FBXW5: variants seen among roughly 807,000 people sequenced by gnomAD.
FBXW5 encodes the protein F-box and WD repeat domain containing 5.
Under a neutral mutation model 50.9 loss-of-function variants are expected in FBXW5, and 74 were observed. The ratio of observed to expected loss-of-function variants is 1.45; its 90% CI spans 1.20 to 1.76. FBXW5 has a LOEUF of 1.76. FBXW5 is among the 40% of genes most tolerant of loss of function. The pLI is 0.00. For synonymous variants in FBXW5, 523 were observed against 362.2 expected (o/e 1.44, Z -5.04); for missense variants, 1,073 against 818.8 (o/e 1.31, Z -3.79).
At position 136,942,450 on chromosome 9, in the gene FBXW5, TTCTC is replaced by T; in HGVS notation, c.688_691del (p.Glu230ThrfsTer5). The T allele has an allele frequency of 6.2e-7, 1 of 1,600,010 alleles. No homozygotes were observed. The highest frequency in any genetic ancestry group is 8.5e-7 in the Non-Finnish European group (1 of 1,170,116). Reference sequence around the variant, plus strand: ...GAACAGCCGCTTCACCACGTTGACGTTCTCTGACTCCACATCCTGGGGGCGGGGG... The same window carrying T: ...GAACAGCCGCTTCACCACGTTGACGTTGACTCCACATCCTGGGGGCGGGGG... On this transcript the variant is annotated frameshift_variant, in exon 6 of 9. Transcript: ENST00000325285. LOFTEE classifies it high-confidence loss of function.
intron 3 of FBXW5, 78 bp from the exon 4 acceptor site, chr9:136,943,021 C>T (rs1284576611): frequency 4.4e-6 from 7 of 1,598,090 alleles, no homozygotes; most frequent in Non-Finnish European, 6.0e-6. Flanking sequence ...GCCATGAGGC[C>T]CCAGCTCTGC....
Position 136,943,450 on chromosome 9 carries a change from C to T in FBXW5, c.250G>A (p.Glu84Lys), listed in dbSNP as rs772070924. Residue 84 changes from glutamate (E) to lysine (K), a missense_variant, in exon 3 of 9, where the codon GAG becomes AAG. Glu to Lys is a moderately conservative substitution (Grantham distance 56). Coordinates refer to ENST00000325285, the MANE Select transcript of FBXW5 (RefSeq NM_018998.4). ...GTGTGTTCCCGCAGCGTCTGCACCT[C>T]CACGCAGGGCACCGTGTCATACAGC... ...QRLYDTVPCVEVQTLREHTDQ... is the reference protein window; with the variant it reads ...QRLYDTVPCVKVQTLREHTDQ... 1 of 1,612,788 alleles carries T rather than the reference C, an allele frequency of 6.2e-7. No individual in the cohort carries two copies. The highest frequency in any genetic ancestry group is 8.5e-7 in the Non-Finnish European group (1 of 1,179,926).
At chr9:136,943,224 C>T (rs1441375499) in intron 3 of FBXW5, 125 bp downstream of exon 3, 4 of 1,292,196 alleles carry the variant, frequency 3.1e-6, no homozygotes, top group Non-Finnish European at 4.3e-6. Context: ...TGCAGGGAGG[C>T]TGCTGTCACC....
Position 136,941,605 on chromosome 9 carries a change from G to C in FBXW5, c.1176C>G (p.Phe392Leu). The change falls in exon 7 of 9, where the codon TTC (phenylalanine) becomes TTG (leucine). Residue 392 changes from phenylalanine to leucine, a missense_variant. Transcript: ENST00000325285. Reference sequence around the variant, plus strand: ...TGTCTATGACGTGGTCCAGCGCGTCGAAGAAGGCATCGGAGCCCCGGCCCT... The same window carrying C: ...TGTCTATGACGTGGTCCAGCGCGTCCAAGAAGGCATCGGAGCCCCGGCCCT... ...LGEGRGSDAF[F>L]DALDHVIDIH... 6.3e-7 allele frequency: 1 copy of C among 1,599,804 alleles called. No homozygotes were observed. Among genetic ancestry groups the C allele is most frequent in the Non-Finnish European group, 8.5e-7 (1 of 1,173,856 alleles).
In FBXW5 at chr9:136,942,699, T is replaced by TG. The variant is rs750768869; in HGVS notation, c.527-5dup. 4.9e-5 allele frequency: 79 copies of TG among 1,610,074 alleles called. 1 individual carries two copies. Among genetic ancestry groups the TG allele is most frequent in the Non-Finnish European group, 6.4e-5 (76 of 1,178,908 alleles). On this transcript the variant is annotated splice_polypyrimidine_tract_variant and splice_region_variant and intron_variant, in intron 4 of 8. Transcript: ENST00000325285. Reference sequence around the variant, plus strand: ...CGGGACAGCAGCGCGAAGGAGTCTGTGGGGAGGCCGGGGCTGGACAGGCTG... The same window carrying TG: ...CGGGACAGCAGCGCGAAGGAGTCTGTGGGGGAGGCCGGGGCTGGACAGGCTG...
In FBXW5 at chr9:136,941,432, TG is replaced by T; in HGVS notation, c.1275del (p.Asn426ThrfsTer31). ...ATGGGGTCGGCCACCACCGCACCGT[TG>T]GGCCAGGCGCGGCTGTTCACGTACA... ...RYLYVNSRAWPNGAVVADPMQ... is the reference protein window; with the variant it reads ...RYLYVNSRAWXNGAVVADPMQ... On this transcript the variant is annotated frameshift_variant, in exon 8 of 9. Coordinates refer to ENST00000325285, the MANE Select transcript of FBXW5 (RefSeq NM_018998.4). LOFTEE classifies it high-confidence loss of function. 6.2e-7 allele frequency: 1 copy of T among 1,609,176 alleles called. No individual in the cohort carries two copies. The highest frequency in any genetic ancestry group is 1.1e-5 in the South Asian group (1 of 91,070).
chr9:136,944,060 C>G lies in FBXW5; in HGVS notation c.24G>C (p.Leu8=), dbSNP rs372554571. ...TCTGGTAGACCAGGCTGTCGGGGAG[C>G]AGGGGCGTGCCGCCCTCGTCCATCG... MDEGGTP[L]LPDSLVYQIF... The change falls in exon 2 of 9, where the codon CTG becomes CTC. Residue 8 remains leucine, a synonymous_variant. Coordinates refer to ENST00000325285, the MANE Select transcript of FBXW5 (RefSeq NM_018998.4). 1 of 1,600,766 alleles carries G rather than the reference C, an allele frequency of 6.2e-7. No individual in the cohort carries two copies. The highest frequency in any genetic ancestry group is 1.7e-5 in the Admixed American group (1 of 58,804).
In FBXW5 at chr9:136,942,794, G is replaced by A. The variant is rs765833265; in HGVS notation, c.501C>T (p.Ser167=). 3.7e-5 allele frequency: 59 copies of A among 1,612,872 alleles called. No homozygotes were observed. Among genetic ancestry groups the A allele is most frequent in the Admixed American group, 5.0e-5 (3 of 59,990 alleles). ...CTAGGCTGATGACAGCAATCTCGCC[G>A]GATGAGGAGTTGTGCGGCCCCAGGA... ...GVFLGPHNSS[S]GEIAVISLDS... Residue 167 remains serine (S), a synonymous_variant, in exon 4 of 9, where the codon TCC becomes TCT. Coordinates refer to ENST00000325285, the MANE Select transcript of FBXW5 (RefSeq NM_018998.4).
Position 136,942,387 on chromosome 9 carries a change from A to G in FBXW5, c.755T>C (p.Val252Ala), listed in dbSNP as rs1850813500. The G allele has an allele frequency of 6.2e-7, 1 of 1,611,506 alleles. No homozygotes were observed. Among genetic ancestry groups the G allele is most frequent in the Non-Finnish European group, 8.5e-7 (1 of 1,179,238 alleles). ...QNLNASTVRT[V>A]MVADCSRFDS... ...GAAGCGGCTGCAGTCGGCCACCATCACCGTGCGGACGGTGCTGGCATTGAG... is the reference window on the plus strand; with the variant it reads ...GAAGCGGCTGCAGTCGGCCACCATCGCCGTGCGGACGGTGCTGGCATTGAG... Residue 252 changes from valine (V) to alanine (A), a missense_variant, in exon 6 of 9, where the codon GTG (valine) becomes GCG (alanine). By Grantham distance (64) the Val-to-Ala change is moderately conservative. Transcript: ENST00000325285.
chr9:136,942,344 C>G lies in FBXW5; in HGVS notation c.798G>C (p.Leu266=). Reference sequence around the variant, plus strand: ...ACGTGGCCGGGTCACCGGCTTCCAGCAGCAGGTCAGGGCTGTCGAAGCGGC... The same window carrying G: ...ACGTGGCCGGGTCACCGGCTTCCAGGAGCAGGTCAGGGCTGTCGAAGCGGC... ...DCSRFDSPDL[L]LEAGDPATSP... The change falls in exon 6 of 9, where the codon CTG becomes CTC. Residue 266 remains leucine (L), a synonymous_variant. Coordinates refer to ENST00000325285, the MANE Select transcript of FBXW5 (RefSeq NM_018998.4). 6.2e-7 allele frequency: 1 copy of G among 1,605,644 alleles called. No homozygotes were observed. Among genetic ancestry groups the G allele is most frequent in the Non-Finnish European group, 8.5e-7 (1 of 1,176,940 alleles).
At chr9:136,943,766 G>C (rs1458201890) in intron 2 of FBXW5, 125 bp downstream of exon 2, 3 of 1,158,244 alleles carry the variant, frequency 2.6e-6, no homozygotes, top group Non-Finnish European at 2.4e-6. Flanking sequence ...CCTCTATCAG[G>C]GTGTGGGGGG....
Position 136,942,465 on chromosome 9 carries a change from T to TC in FBXW5, c.676dup (p.Asp226GlyfsTer39). On this transcript the variant is annotated frameshift_variant and splice_region_variant, in exon 6 of 9. Coordinates refer to ENST00000325285, the MANE Select transcript of FBXW5 (RefSeq NM_018998.4). LOFTEE classifies it high-confidence loss of function. ...CACGTTGACGTTCTCTGACTCCACA[T>TC]CCTGGGGGCGGGGGCACGTGCCAGG... 3 of 1,599,178 alleles carry TC rather than the reference T, an allele frequency of 1.9e-6. No homozygotes were observed. The highest frequency in any genetic ancestry group is 2.6e-6 in the Non-Finnish European group (3 of 1,169,664).
intron 2 of FBXW5, 24 bp downstream of exon 2, chr9:136,943,867 G>A (rs1850916471): frequency 6.5e-7 from 1 of 1,548,120 alleles, no homozygotes; most frequent in South Asian, 1.2e-5. Context: ...CAGAACGTGG[G>A]TAGGGGCCCC....
At chr9:136,944,571 C>A in intron 1 of FBXW5, 23 bp downstream of exon 1, 1 of 983,696 alleles carries the variant, frequency 1.0e-6, no homozygotes, top group Non-Finnish European at 1.2e-6. Flanking sequence ...GGCGGGACCC[C>A]CGAGGGCCGC....
At position 136,942,305 on chromosome 9, in the gene FBXW5, G is replaced by A. The variant is rs779508892; in HGVS notation, c.837C>T (p.Ile279=). 8 of 1,596,984 alleles carry A rather than the reference G, an allele frequency of 5.0e-6. No individual in the cohort carries two copies. The highest frequency in any genetic ancestry group is 1.3e-5 in the African/African-American group (1 of 74,618). ...CCTCGTTGTCGCTGCCCAGGTCAAA[G>A]ATGCGGCAGGGGGACGTGGCCGGGT... ...AGDPATSPCR[I]FDLGSDNEEV... is the part of the protein sequence containing the mutation. The change falls in exon 6 of 9, where the codon ATC becomes ATT. Residue 279 remains isoleucine, a synonymous_variant. Transcript: ENST00000325285.
rs979882222 is a variant in FBXW5 at position 136,944,661 on chromosome 9, C to G, written c.-91G>C. On this transcript the variant is annotated 5_prime_UTR_variant, in exon 1 of 9. Coordinates refer to ENST00000325285, the MANE Select transcript of FBXW5 (RefSeq NM_018998.4). ...CCCGGACCCGCTTCCGCTGCCGCAG[C>G]CGCTCGGACCGCCGCCCCCGCCCAA... is the stretch of plus-strand genomic sequence containing the variant. The G allele has an allele frequency of 2.0e-6, 2 of 985,464 alleles. No individual in the cohort carries two copies. The highest frequency in any genetic ancestry group is 4.5e-5 in the South Asian group (1 of 22,022). 61.0% of individuals were successfully genotyped at this position (985,464 alleles called of 1,614,324 possible).
chr9:136,944,183 C>T, intron 1 of FBXW5, 77 bp from the exon 2 acceptor site: 3 of 1,407,028 alleles, frequency 2.1e-6, no homozygotes, highest in South Asian at 1.4e-5. Flanking sequence ...TCCTCCAGCC[C>T]CAACCGTCCC....
rs142910179 is a variant in FBXW5, at chr9:136,942,791, G to A, written c.504C>T (p.Gly168=). 76 of 1,612,974 alleles carry A rather than the reference G, an allele frequency of 4.7e-5. No homozygotes were observed. Among genetic ancestry groups the A allele is most frequent in the Middle Eastern group, 1.6e-4 (1 of 6,084 alleles). The change falls in exon 4 of 9, where the codon GGC becomes GGT. Residue 168 remains glycine, a synonymous_variant. Transcript: ENST00000325285. ...CACCTAGGCTGATGACAGCAATCTC[G>A]CCGGATGAGGAGTTGTGCGGCCCCA... ...VFLGPHNSSS[G]EIAVISLDSF...
At position 136,941,363 on chromosome 9, in the gene FBXW5, C is replaced by T. The variant is rs199873362; in HGVS notation, c.1345G>A (p.Asp449Asn). ...IAEEIDLLVF[D>N]LKTMREVRRA... Reference sequence around the variant, plus strand: ...CTCACCTCCCGCATGGTCTTGAGGTCGAACACCAGCAGGTCAATCTCCTCC... The same window carrying T: ...CTCACCTCCCGCATGGTCTTGAGGTTGAACACCAGCAGGTCAATCTCCTCC... Residue 449 changes from aspartate to asparagine, a missense_variant, in exon 8 of 9, where the codon GAC (aspartate) becomes AAC (asparagine). Transcript: ENST00000325285. 1.8e-5 allele frequency: 29 copies of T among 1,611,672 alleles called. No individual in the cohort carries two copies. Among genetic ancestry groups the T allele is most frequent in the African/African-American group, 4.0e-5 (3 of 75,040 alleles).
Sources: gnomAD v4.1 joint callset for allele counts on GRCh38, gnomAD v4.1.1 for gene constraint, MANE v1.5 for transcripts, NCBI Gene and HGNC (gene_info 2026-07-23, HGNC 2026-07-21) for gene names.